Variants in PCIF1 observed in about 807,000 individuals in gnomAD.
PCIF1 encodes mRNA (2'-O-methyladenosine-N(6)-)-methyltransferase.
In PCIF1, 12 loss-of-function variants were observed where a neutral mutation model predicts 86.9. The ratio of observed to expected loss-of-function variants is 0.14; its 90% confidence interval spans 0.09 to 0.22. The LOEUF (loss-of-function observed/expected upper bound fraction) is 0.22, where lower values mean the gene tolerates loss of function less well. Ranked by LOEUF, PCIF1 falls within the 10% of genes least tolerant of loss-of-function variation. PCIF1 has a pLI of 1.00. For missense variants in PCIF1, 701 were observed against 951.1 expected, an observed-to-expected ratio of 0.74 and a Z score of 3.46; for synonymous variants, 397 against 372.0, an observed-to-expected ratio of 1.07 and a Z score of -0.77.
Position 45,945,718 on chromosome 20 carries a change from G to C in PCIF1, c.1176G>C (p.Val392=). 1 of 1,612,728 alleles carries C rather than the reference G, an allele frequency of 6.2e-7. No individual in the cohort carries two copies. The highest frequency in any genetic ancestry group is 8.5e-7 in the Non-Finnish European group (1 of 1,179,160). ...TGCTCTCCCTGCCCACAGAGGAGGT[G>C]GAGGCCCCTGAGGTGGAGCCCCGCC... ...ILKENNISEE[V]EAPEVEPRLV... The change falls in exon 12 of 17, where the codon GTG becomes GTC. Residue 392 remains valine (V), a synonymous_variant. Coordinates refer to ENST00000372409, the MANE Select transcript of PCIF1 (RefSeq NM_022104.4).
chr20:45,945,058 C>T, intron 11 of PCIF1, 28 bp downstream of exon 11: 2 of 1,573,966 alleles, frequency 1.3e-6, no homozygotes, highest in Non-Finnish European at 1.7e-6. Context: ...GAGGAGCCAG[C>T]TGTGATGCCG....
At chr20:45,939,604 C>G (rs549438405) in intron 4 of PCIF1, among the ~76,000 whole-genome samples, 2 of 152,232 alleles carry the variant, frequency 1.3e-5, no homozygotes. Flanking sequence ...TTGCTCCCTA[C>G]GGTCGCAGAG....
intron 7 of PCIF1, among the ~76,000 whole-genome samples, chr20:45,941,554 G>A (rs1054145605): frequency 6.6e-6 from 1 of 152,054 alleles, no homozygotes; most frequent in Non-Finnish European, 1.5e-5. Flanking sequence ...CCTGGGTCCC[G>A]GTTCAGGCAA....
rs1675465378 is a variant in PCIF1, at chr20:45,945,525, TTC to T, written c.1169-184_1169-183del. On this transcript the variant is annotated intron_variant, in intron 11 of 16. Transcript: ENST00000372409. The stretch of plus-strand genomic sequence containing the variant: ...GAGTGTGTTGACACAGGCCACCAGT[TTC>T]TGCCCCGGCCAGTTGCCTGGCTGGT... Among the ~76,000 whole-genome samples the T allele has an allele frequency of 2.0e-5, 3 of 152,220 alleles. No individual in the cohort carries two copies. The South Asian group carries it at 6.2e-4, about 32-fold the overall frequency.
At chr20:45,934,852 CTG>C (rs2083402542) in intron 1 of PCIF1, 48 bp downstream of exon 1, 4 of 398,196 alleles carry the variant, frequency 1.0e-5, no homozygotes, top group Admixed American at 8.8e-5. Context: ...GCGCCAGGGT[CTG>C]GGGATCCGAA....
chr20:45,938,902 T>G (rs2083446858), intron 2 of PCIF1, 79 bp from the exon 3 acceptor site: 5 of 1,554,492 alleles, frequency 3.2e-6, no homozygotes, highest in Non-Finnish European at 4.4e-6. Context: ...CATCGGTGGG[T>G]GGTCACTGGG....
chr20:45,936,728 C>T (rs1032338557), intron 1 of PCIF1, among the ~76,000 whole-genome samples: 2 of 151,780 alleles, frequency 1.3e-5, no homozygotes, highest in Non-Finnish European at 2.9e-5. Flanking sequence ...GTCAGAAGTT[C>T]GAGACCAGCC....
intron 7 of PCIF1, among the ~76,000 whole-genome samples, chr20:45,942,045 G>A (rs1300660770): frequency 1.4e-5 from 2 of 146,578 alleles, no homozygotes; most frequent in East Asian, 4.0e-4. Context: ...GCGTGATCTC[G>A]GCTCACTGCA....
At chr20:45,942,788 T>TTTTTC (rs2083485918) in intron 7 of PCIF1, among the ~76,000 whole-genome samples, 1 of 140,706 alleles carries the variant, frequency 7.1e-6, no homozygotes, top group Non-Finnish European at 1.6e-5. Context: ...TTTTTTTTTT[T>TTTTTC]TTTTTGTAGA....
Position 45,943,140 on chromosome 20 carries a change from G to A in PCIF1, c.717G>A (p.Glu239=). Residue 239 remains glutamate (E), a synonymous_variant, in exon 8 of 17, where the codon GAG becomes GAA. Transcript: ENST00000372409. This position sits in a 1 kb window ranked among gnomAD's most constrained non-coding sequence, Gnocchi z 5.5. ...PRESFNRWML[E]RKVVDKGSDP... is the part of the protein sequence containing the mutation. ...AGTCTTTCAACCGCTGGATGCTGGA[G>A]CGCAAGGTGGTAGACAAAGGATCTG... 1 of 1,614,048 alleles carries A rather than the reference G, an allele frequency of 6.2e-7. No homozygotes were observed.
chr20:45,943,669 T>G lies in PCIF1; in HGVS notation c.909T>G (p.Ser303Arg), dbSNP rs778906689. Residue 303 changes from serine (S) to arginine (R), a missense_variant, in exon 10 of 17, where the codon AGT becomes AGG. By Grantham distance (110) the Ser-to-Arg change is moderately radical. Around this residue, in one of 7 missense-constraint regions of PCIF1, gnomAD observed 129 missense variants for 245.9 expected, o/e 0.52. Coordinates refer to ENST00000372409, the MANE Select transcript of PCIF1 (RefSeq NM_022104.4). The surrounding 1 kb of genome is among the most constrained non-coding windows in gnomAD (Gnocchi z 5.5). The part of the protein sequence containing the change: ...EAARRLIESR[S>R]ASPDSRKVVK... Reference sequence around the variant, plus strand: ...CTGCCCTCCCCTTGACTGGCAGGAGTGCATCCCCTGACAGTAGGAAGGTGG... The same window carrying G: ...CTGCCCTCCCCTTGACTGGCAGGAGGGCATCCCCTGACAGTAGGAAGGTGG... 43 of 1,556,552 alleles carry G rather than the reference T, an allele frequency of 2.8e-5. No homozygotes were observed. Among genetic ancestry groups the G allele is most frequent in the Non-Finnish European group, 1.7e-5 (20 of 1,149,854 alleles).
In PCIF1 at chr20:45,945,893, G is replaced by GT; in HGVS notation, c.1341+10_1341+11insT. 1 of 1,613,778 alleles carries GT rather than the reference G, an allele frequency of 6.2e-7. No homozygotes were observed. The highest frequency in any genetic ancestry group is 8.5e-7 in the Non-Finnish European group (1 of 1,179,954). ...CTACTTCAGCAAGCTGGTAAGAGCT[G>GT]CGGGGAGGAAGGCCCTAGCTGATGG... On this transcript the variant is annotated intron_variant, in intron 12 of 16. Transcript: ENST00000372409.
rs773869940 is a variant in PCIF1 at position 45,938,890 on chromosome 20, C to G, written c.-19-91C>G. 9.2e-6 allele frequency: 14 copies of G among 1,527,096 alleles called. 1 individual carries two copies. In the South Asian group the frequency reaches 1.7e-4, roughly 19 times the overall value. 94.6% of individuals were successfully genotyped at this position (1,527,096 alleles called of 1,614,324 possible). On this transcript the variant is annotated intron_variant, in intron 2 of 16. Coordinates refer to ENST00000372409, the MANE Select transcript of PCIF1 (RefSeq NM_022104.4). ...AGGATAGGACCTGATTGGATTTCTC[C>G]ACATCGGTGGGTGGTCACTGGGGCC...
In PCIF1 at chr20:45,939,053, C is replaced by T. The variant is rs778545268; in HGVS notation, c.54C>T (p.His18=). 1.2e-6 allele frequency: 2 copies of T among 1,614,044 alleles called. No homozygotes were observed. The highest frequency in any genetic ancestry group is 1.1e-5 in the South Asian group (1 of 91,058). ...SPREEASLLS[H]SPGTSNQSQP... The stretch of plus-strand genomic sequence containing the variant: ...GGGAGGAAGCGTCCCTGCTGAGTCA[C>T]TCCCCAGGTACCTCCAATCAGAGCC... Residue 18 remains histidine, a synonymous_variant, in exon 3 of 17, where the codon CAC becomes CAT. Transcript: ENST00000372409.
chr20:45,942,945 C>A, intron 7 of PCIF1, 152 bp from the exon 8 acceptor site: 1 of 748,336 alleles, frequency 1.3e-6, no homozygotes, highest in African/African-American at 1.8e-5. Context: ...ACTAGTGATT[C>A]TTAGAATATA....
intron 7 of PCIF1, among the ~76,000 whole-genome samples, chr20:45,941,661 T>C (rs1314812104): frequency 1.3e-5 from 2 of 151,918 alleles, no homozygotes; most frequent in African/African-American, 4.8e-5. Context: ...GGTGTCACGA[T>C]GTTGGCCAGG....
chr20:45,938,151 T>C (rs2083441498), intron 2 of PCIF1, among the ~76,000 whole-genome samples: 1 of 152,168 alleles, frequency 6.6e-6, no homozygotes, highest in Non-Finnish European at 1.5e-5. Flanking sequence ...GGGTGTGCTT[T>C]GGGTGGGGGA....
chr20:45,939,321 G>A lies in PCIF1; in HGVS notation c.231G>A (p.Leu77=). ...TNQSLWEMPV[L]GQHDVISDPL... The stretch of plus-strand genomic sequence containing the variant: ...AGTCCCTGTGGGAGATGCCCGTGCT[G>A]GGGCAGCACGATGTGATTGTGAGTG... Residue 77 remains leucine (L), a synonymous_variant, in exon 4 of 17, where the codon CTG becomes CTA. Coordinates refer to ENST00000372409, the MANE Select transcript of PCIF1 (RefSeq NM_022104.4). 3 of 1,613,654 alleles carry A rather than the reference G, an allele frequency of 1.9e-6. No individual in the cohort carries two copies. Among genetic ancestry groups the A allele is most frequent in the Admixed American group, 1.7e-5 (1 of 60,026 alleles).
chr20:45,941,786 T>C (rs543025702), intron 7 of PCIF1, among the ~76,000 whole-genome samples: 230 of 151,060 alleles, frequency 1.5e-3, no homozygotes, highest in Non-Finnish European at 2.1e-3. Flanking sequence ...AGGATCTGGC[T>C]ATGTTGCCCA....
Sources: allele counts gnomAD v4.1 joint callset (sites outside exome capture counted in the v4.1 genomes callset), GRCh38; gene constraint gnomAD v4.1.1; regional missense constraint gnomAD v4.1.1; non-coding constraint Gnocchi (gnomAD v3.1); transcripts MANE v1.5; gene names NCBI Gene and HGNC (gene_info 2026-07-23, HGNC 2026-07-21).